The following INSYN2A variants were observed in gnomAD, a reference collection of about 807,000 sequenced individuals.
The protein encoded by INSYN2A is inhibitory synaptic factor 2A, also known as family with sequence similarity 196 member A.
In INSYN2A, 17 loss-of-function variants were observed where a neutral mutation model predicts 39.4. The ratio of observed to expected loss-of-function variants is 0.43; its 90% CI spans 0.30 to 0.65. The LOEUF is 0.65. Ranked by LOEUF, INSYN2A falls within the 30% of genes least tolerant of loss-of-function variation. The pLI is 0.14. For missense variants in INSYN2A, 595 were observed against 631.2 expected (o/e 0.94, Z 0.61); for synonymous variants, 255 against 265.7 (o/e 0.96, Z 0.39).
intron 5 of INSYN2A, among the ~76,000 whole-genome samples, chr10:127,152,906 G>A (rs1333291700): frequency 3.3e-5 from 5 of 152,156 alleles, no homozygotes; most frequent in African/African-American, 9.7e-5. Flanking sequence ...TGTCTGGATC[G>A]GAGGCATGGA....
Position 127,176,019 on chromosome 10 carries a change from T to C in INSYN2A, c.377A>G (p.Asn126Ser). Residue 126 changes from asparagine to serine, a missense_variant, in exon 4 of 6, where the codon AAC becomes AGC. Physicochemically the swap from Asn to Ser is conservative, Grantham distance 46 (BLOSUM62 1). Transcript: ENST00000522781. The surrounding 1 kb of genome is among the most constrained non-coding windows in gnomAD (Gnocchi z 4.4). ...QTFPLDRKKG[N>S]LKSLPAADPF... ...ATCTGCAGCTGGGAGGCTTTTGAGG[T>C]TCCCCTTTTTGCGGTCCAGAGGGAA... 3 of 1,614,158 alleles carry C rather than the reference T, an allele frequency of 1.9e-6. No individual in the cohort carries two copies. Among genetic ancestry groups the C allele is most frequent in the Non-Finnish European group, 2.5e-6 (3 of 1,180,032 alleles).
intron 4 of INSYN2A, among the ~76,000 whole-genome samples, chr10:127,161,058 TG>T (rs1396525927): frequency 6.6e-6 from 1 of 152,208 alleles, no homozygotes; most frequent in Admixed American, 6.5e-5. Context: ...TTCCCTCCTA[TG>T]TTTGAGAGCC....
At chr10:127,163,615 A>C (rs1226849939) in intron 4 of INSYN2A, among the ~76,000 whole-genome samples, 1 of 152,158 alleles carries the variant, frequency 6.6e-6, no homozygotes, top group Non-Finnish European at 1.5e-5. Context: ...TGAAAGGGAA[A>C]ATAGGACTCT....
chr10:127,194,320 G>C (rs1190436043), intron 1 of INSYN2A, among the ~76,000 whole-genome samples: 1 of 152,224 alleles, frequency 6.6e-6, no homozygotes, highest in African/African-American at 2.4e-5. Flanking sequence ...AACATGGATA[G>C]TAAATGATTA....
chr10:127,157,238 C>T (rs976348849), intron 4 of INSYN2A, among the ~76,000 whole-genome samples: 2 of 152,136 alleles, frequency 1.3e-5, no homozygotes, highest in Non-Finnish European at 2.9e-5. Context: ...CATCTGTTGA[C>T]CCAGGGTTGG....
At chr10:127,139,373 C>T (rs898839517) in intron 5 of INSYN2A, among the ~76,000 whole-genome samples, 1 of 151,854 alleles carries the variant, frequency 6.6e-6, no homozygotes, top group Admixed American at 6.6e-5. Context: ...TTGTCAGTGA[C>T]TCTAATATTA....
At chr10:127,157,120 A>G (rs2053160634) in intron 4 of INSYN2A, among the ~76,000 whole-genome samples, 1 of 152,226 alleles carries the variant, frequency 6.6e-6, no homozygotes, top group African/African-American at 2.4e-5. Flanking sequence ...AATTTTTGAT[A>G]CTGCTGAGTG....
intron 5 of INSYN2A, among the ~76,000 whole-genome samples, chr10:127,145,651 C>CGTCT (rs1291390978): frequency 2.0e-5 from 3 of 152,096 alleles, no homozygotes; most frequent in Non-Finnish European, 4.4e-5. Context: ...GATGGGAGTG[C>CGTCT]GTCTGTCTAG....
chr10:127,162,234 G>A (rs949765597), intron 4 of INSYN2A, among the ~76,000 whole-genome samples: 7 of 152,102 alleles, frequency 4.6e-5, no homozygotes, highest in Admixed American at 6.5e-5. Context: ...TCAGACACCC[G>A]TGTAATCTCC....
At chr10:127,157,993 A>G (rs192884037) in intron 4 of INSYN2A, among the ~76,000 whole-genome samples, 1 of 152,336 alleles carries the variant, frequency 6.6e-6, no homozygotes, top group Non-Finnish European at 1.5e-5. Flanking sequence ...GCTTAAAACT[A>G]TGTAATCCAT....
rs144887094 is a variant in INSYN2A, at chr10:127,138,179, C to T, written c.1257-159G>A. Among the ~76,000 whole-genome samples the T allele has an allele frequency of 3.3e-5, 5 of 152,292 alleles. No homozygotes were observed. The East Asian group carries it at 9.7e-4, about 29-fold the overall frequency. ...ATATACTATGTTTTAGCTCTGTGCT[C>T]CCGTGAAATAGTTCAAGGAGGCTCA... On this transcript the variant is annotated intron_variant, in intron 5 of 5. Coordinates refer to ENST00000522781, the MANE Select transcript of INSYN2A (RefSeq NM_001039762.3).
intron 2 of INSYN2A, among the ~76,000 whole-genome samples, chr10:127,185,836 A>G (rs1444447496): frequency 1.3e-5 from 2 of 152,212 alleles, no homozygotes; most frequent in African/African-American, 4.8e-5. Flanking sequence ...ACTCACAAAA[A>G]TGAGTAGATG....
At chr10:127,150,904 TGCCACATTCAAAGAAAACGTCTGG>T (rs2052425421) in intron 5 of INSYN2A, among the ~76,000 whole-genome samples, 1 of 152,028 alleles carries the variant, frequency 6.6e-6, no homozygotes, top group South Asian at 2.1e-4. Flanking sequence ...GTAGTGGGGG[TGCCACATTCAAAGAAAACGTCTGG>T]GCCTCACCTC....
rs2050733470 is a variant in INSYN2A, at chr10:127,136,734, T to C, written c.*1103A>G. The C allele has an allele frequency of 6.5e-6, 1 of 152,684 alleles. No individual in the cohort carries two copies. The highest frequency in any genetic ancestry group is 2.1e-4 in the South Asian group (1 of 4,828). 9.5% of individuals were successfully genotyped at this position (152,684 alleles called of 1,614,324 possible). ...ATTCACAGCTTTCCCCTAAGTATGTTGTTTAGTACAACTTACTAATAGGTT... is the reference window on the plus strand; with the variant it reads ...ATTCACAGCTTTCCCCTAAGTATGTCGTTTAGTACAACTTACTAATAGGTT... On this transcript the variant is annotated 3_prime_UTR_variant, in exon 6 of 6. Transcript: ENST00000522781.
intron 4 of INSYN2A, among the ~76,000 whole-genome samples, chr10:127,172,140 AAT>A (rs1177406701): frequency 2.0e-5 from 3 of 152,196 alleles, no homozygotes; most frequent in African/African-American, 7.2e-5. Context: ...ATGCAACTAA[AAT>A]ACCAACTTCC....
chr10:127,191,323 C>T (rs1294496788), intron 2 of INSYN2A, among the ~76,000 whole-genome samples: 1 of 152,144 alleles, frequency 6.6e-6, no homozygotes, highest in Non-Finnish European at 1.5e-5. Context: ...TCTTGTAACA[C>T]CTTACACATT....
chr10:127,172,018 T>G (rs1308819864), intron 4 of INSYN2A, among the ~76,000 whole-genome samples: 1 of 152,250 alleles, frequency 6.6e-6, no homozygotes, highest in Non-Finnish European at 1.5e-5. Context: ...ACTGATATTT[T>G]AACTTGGTCA....
chr10:127,149,459 G>A (rs1297992720), intron 5 of INSYN2A, among the ~76,000 whole-genome samples: 3 of 152,156 alleles, frequency 2.0e-5, no homozygotes, highest in Non-Finnish European at 4.4e-5. Context: ...AGAGAAATAT[G>A]TACCGCCTCC....
chr10:127,155,679 C>T (rs2052972989), intron 4 of INSYN2A, among the ~76,000 whole-genome samples: 1 of 152,184 alleles, frequency 6.6e-6, no homozygotes, highest in African/African-American at 2.4e-5. Context: ...CCACCTGGCT[C>T]CAGATTTGTC....
Sources: allele counts gnomAD v4.1 joint callset (sites outside exome capture counted in the v4.1 genomes callset), GRCh38; gene constraint gnomAD v4.1.1; non-coding constraint Gnocchi (gnomAD v3.1); transcripts MANE v1.5; gene names NCBI Gene and HGNC (gene_info 2026-07-23, HGNC 2026-07-21).